The following EVL variants were observed in gnomAD, a reference collection of about 807,000 sequenced individuals.
EVL encodes ena/VASP-like protein.
EVL carries 21 observed loss-of-function variants against 59.6 expected under a neutral mutation model. The ratio of observed to expected loss-of-function variants is 0.35; its 90% CI spans 0.25 to 0.51. The LOEUF is 0.51. Among genes scored for constraint, EVL ranks in the 20% least tolerant of loss-of-function variants. EVL has a pLI of 0.97. For synonymous variants in EVL, 198 were observed against 203.5 expected (o/e 0.97, Z 0.23); for missense variants, 462 against 546.6 (o/e 0.85, Z 1.54).
intron 1 of EVL, among the ~76,000 whole-genome samples, chr14:100,075,090 G>A (rs748716304): frequency 1.3e-5 from 2 of 152,362 alleles, no homozygotes; most frequent in East Asian, 3.9e-4. Context: ...TAATGACCTC[G>A]TGATGGTGGT....
At chr14:100,091,391 CCACTCTGT>C (rs2062561100) in intron 2 of EVL, among the ~76,000 whole-genome samples, 1 of 132,480 alleles carries the variant, frequency 7.5e-6, no homozygotes, top group African/African-American at 3.8e-5. Context: ...CTGGGTTTCC[CCACTCTGT>C]TATTGTGAGA....
At chr14:99,994,390 G>T (rs182984892) in intron 1 of EVL, among the ~76,000 whole-genome samples, 1 of 149,726 alleles carries the variant, frequency 6.7e-6, no homozygotes, top group Non-Finnish European at 1.5e-5. Flanking sequence ...GATTTTTTTT[G>T]TAGTGACATA....
chr14:100,116,761 G>A (rs538050751), intron 3 of EVL, among the ~76,000 whole-genome samples: 12 of 152,298 alleles, frequency 7.9e-5, no homozygotes, highest in African/African-American at 2.6e-4. Context: ...AATTCAGAGA[G>A]AGGAATATAA....
At position 100,108,771 on chromosome 14, in the gene EVL, T is replaced by C. The variant is rs1360512600; in HGVS notation, c.358+11113T>C. Among the ~76,000 whole-genome samples the C allele has an allele frequency of 6.6e-6, 1 of 152,156 alleles. No homozygotes were observed. Among genetic ancestry groups the C allele is most frequent in the African/African-American group, 2.4e-5 (1 of 41,442 alleles). Reference sequence around the variant, plus strand: ...TCCCAGCCGCCCCGCTCCCTGTGACTTTGCACTCCCTCCTGCACTCCCACG... The same window carrying C: ...TCCCAGCCGCCCCGCTCCCTGTGACCTTGCACTCCCTCCTGCACTCCCACG... On this transcript the variant is annotated intron_variant, in intron 3 of 13. Coordinates refer to ENST00000392920, the MANE Select transcript of EVL (RefSeq NM_016337.3). This position sits in a 1 kb window ranked among gnomAD's most constrained non-coding sequence, Gnocchi z 4.1.
At chr14:100,079,919 G>T (rs2062256731) in intron 1 of EVL, among the ~76,000 whole-genome samples, 1 of 152,232 alleles carries the variant, frequency 6.6e-6, no homozygotes, top group East Asian at 1.9e-4. Flanking sequence ...CTGAGTAGCT[G>T]GGACTACAGG....
At chr14:100,009,425 A>G (rs1032034579) in intron 1 of EVL, among the ~76,000 whole-genome samples, 5 of 152,240 alleles carry the variant, frequency 3.3e-5, no homozygotes, top group Non-Finnish European at 7.3e-5. Flanking sequence ...CCCTCACTGG[A>G]CTAGTCTCCA....
chr14:99,991,960 C>CTGTGTCTGTGTG (rs2060878116), intron 1 of EVL, among the ~76,000 whole-genome samples: 1 of 144,234 alleles, frequency 6.9e-6, no homozygotes, highest in Non-Finnish European at 1.5e-5. Flanking sequence ...AGGGTCAACT[C>CTGTGTCTGTGTG]TGTGTGTGTG....
chr14:100,136,650 G>A (rs77237685), intron 9 of EVL, among the ~76,000 whole-genome samples: 1,935 of 152,258 alleles, frequency 0.013, 46 homozygotes, highest in African/African-American at 0.044. Flanking sequence ...AGCTGTTCGC[G>A]TGTGTCTCTG....
chr14:100,084,635 A>G (rs1413999223), intron 1 of EVL, 52 bp from the exon 2 acceptor site: 1 of 1,585,630 alleles, frequency 6.3e-7, no homozygotes, highest in South Asian at 1.1e-5. Context: ...GGGCAAAGTC[A>G]ACTTCCATCC....
chr14:100,139,466 G>GCGACT (rs1566733514), intron 11 of EVL: 2 of 152,482 alleles, frequency 1.3e-5, no homozygotes, highest in East Asian at 3.9e-4. Context: ...TGGAGCAGTC[G>GCGACT]GCCCAGGTGT....
intron 1 of EVL, among the ~76,000 whole-genome samples, chr14:100,007,470 C>T (rs2060989860): frequency 6.6e-6 from 1 of 152,156 alleles, no homozygotes; most frequent in African/African-American, 2.4e-5. Flanking sequence ...TTTCCTTTCA[C>T]AGGAGGAACT....
intron 8 of EVL, among the ~76,000 whole-genome samples, chr14:100,133,384 T>C (rs889878603): frequency 1.3e-5 from 2 of 152,242 alleles, no homozygotes; most frequent in Non-Finnish European, 2.9e-5. Flanking sequence ...CTGACAGGGC[T>C]AAGTTTAGCC....
rs531770731 is a variant in EVL at position 100,103,843 on chromosome 14, A to G, written c.358+6185A>G. Among the ~76,000 whole-genome samples the G allele has an allele frequency of 3.3e-5, 5 of 152,304 alleles. No homozygotes were observed. The South Asian group carries it at 1.0e-3, about 32-fold the overall frequency. On this transcript the variant is annotated intron_variant, in intron 3 of 13. Coordinates refer to ENST00000392920, the MANE Select transcript of EVL (RefSeq NM_016337.3). Reference sequence around the variant, plus strand: ...AAAAGAGCTGTTGAGTGTTGAGTGCATAGATACAAGCTCCTGAGGGCAAGG... The same window carrying G: ...AAAAGAGCTGTTGAGTGTTGAGTGCGTAGATACAAGCTCCTGAGGGCAAGG...
intron 1 of EVL, among the ~76,000 whole-genome samples, chr14:100,037,995 G>T (rs370935927): frequency 1.6e-4 from 24 of 152,198 alleles, no homozygotes; most frequent in African/African-American, 5.8e-4. Flanking sequence ...GACAGGGTCA[G>T]AGCTTGGTTG....
Position 100,039,906 on chromosome 14 carries a change from G to A in EVL, c.6-44781G>A, listed in dbSNP as rs546297401. 3.9e-5 allele frequency among the ~76,000 whole-genome samples: 6 copies of A among 152,298 alleles called. No homozygotes were observed. The South Asian group carries it at 1.2e-3, about 32-fold the overall frequency. On this transcript the variant is annotated intron_variant, in intron 1 of 13. Coordinates refer to the EVL transcript ENST00000402714. ...TGATCCTCTCACCTCAGCCTCCTGA[G>A]AGGCTGGGACCACAAGTGCACACCA...
At chr14:100,136,665 A>G (rs999175204) in intron 9 of EVL, among the ~76,000 whole-genome samples, 3 of 152,096 alleles carry the variant, frequency 2.0e-5, no homozygotes, top group Admixed American at 1.3e-4. Context: ...TCTCTGGGGC[A>G]TGCTCAGGTT....
At chr14:100,083,314 T>A (rs2062354000) in intron 1 of EVL, among the ~76,000 whole-genome samples, 1 of 152,196 alleles carries the variant, frequency 6.6e-6, no homozygotes, top group Admixed American at 6.5e-5. Context: ...TTCATTTACA[T>A]TGGGATAGAA....
chr14:100,041,341 CA>C lies in EVL; in HGVS notation c.6-43345del, dbSNP rs2061464639. Among the ~76,000 whole-genome samples, 5 of 152,196 alleles carry C rather than the reference CA, an allele frequency of 3.3e-5. No individual in the cohort carries two copies. In the East Asian group the frequency reaches 9.6e-4, roughly 29 times the overall value. On this transcript the variant is annotated intron_variant, in intron 1 of 13. Coordinates refer to the EVL transcript ENST00000402714. ...CCTCCTTTTAATACAGTAATTGTAA[CA>C]TCCCTGTTTACTTCACAGCATAGTT...
In EVL at chr14:100,084,828, C is replaced by T. The variant is rs373763734; in HGVS notation, c.153C>T (p.Val51=). The T allele has an allele frequency of 4.3e-6, 7 of 1,614,044 alleles. No individual in the cohort carries two copies. Among genetic ancestry groups the T allele is most frequent in the African/African-American group, 1.3e-5 (1 of 74,918 alleles). ...YHNTASNTFR[V]VGVKLQDQQV... ...ACACTGCCAGCAACACCTTCAGAGT[C>T]GTTGGAGTCAAGTTGCAGGATCAGC... Residue 51 remains valine, a synonymous_variant, in exon 2 of 14, where the codon GTC becomes GTT. Coordinates refer to ENST00000392920, the MANE Select transcript of EVL (RefSeq NM_016337.3).
Sources: gnomAD v4.1 joint callset for allele counts (sites outside exome capture counted in the v4.1 genomes callset) on GRCh38, gnomAD v4.1.1 for gene constraint, Gnocchi (gnomAD v3.1) non-coding constraint, MANE v1.5 for transcripts, NCBI Gene and HGNC (gene_info 2026-07-23, HGNC 2026-07-21) for gene names.